AMOTL1: variants seen among roughly 807,000 people sequenced by gnomAD.
AMOTL1 encodes the protein angiomotin-like protein 1.
In AMOTL1, 45 loss-of-function variants were observed where a neutral mutation model predicts 102.9. The ratio of observed to expected loss-of-function variants is 0.44; its 90% CI spans 0.34 to 0.56. AMOTL1 has a LOEUF of 0.56. Among genes scored for constraint, AMOTL1 ranks in the 20% least tolerant of loss-of-function variants. AMOTL1 has a pLI of 0.01. For missense variants in AMOTL1, 1,114 were observed against 1,225.6 expected, an observed-to-expected ratio of 0.91 and a Z score of 1.36; for synonymous variants, 481 against 484.7, an observed-to-expected ratio of 0.99 and a Z score of 0.10.
At chr11:94,789,283 C>T (rs980980005) in intron 1 of AMOTL1, among the ~76,000 whole-genome samples, 16 of 152,118 alleles carry the variant, frequency 1.1e-4, no homozygotes, top group African/African-American at 3.1e-4. Context: ...CTCAGCCTCC[C>T]GAGTAGCTGA....
At position 94,795,019 on chromosome 11, in the gene AMOTL1, T is replaced by G; in HGVS notation, c.58T>G (p.Ser20Ala). 6.2e-7 allele frequency: 1 copy of G among 1,604,434 alleles called. No homozygotes were observed. Among genetic ancestry groups the G allele is most frequent in the Non-Finnish European group, 8.5e-7 (1 of 1,177,208 alleles). The change falls in exon 2 of 13, where the codon TCT becomes GCT. Residue 20 changes from serine (S) to alanine (A), a missense_variant. Physicochemically the swap from Ser to Ala is moderately conservative, Grantham distance 99 (BLOSUM62 1). Transcript: ENST00000433060. ...CGCTTTCTTTCCCCCAGGGTCCCCT[T>G]CTGCTTGTTATAGCCCCAGTAGTCC... ...TCEPAVKGSP[S>A]ACYSPSSPVQ... is the part of the protein sequence containing the mutation.
At chr11:94,832,089 G>A (rs1053261123) in intron 6 of AMOTL1, among the ~76,000 whole-genome samples, 2 of 152,176 alleles carry the variant, frequency 1.3e-5, no homozygotes, top group Non-Finnish European at 2.9e-5. Flanking sequence ...TTTATTGGGA[G>A]AATATTTTAT....
intron 1 of AMOTL1, among the ~76,000 whole-genome samples, chr11:94,712,523 G>A (rs1192264016): frequency 6.6e-6 from 1 of 151,952 alleles, no homozygotes; most frequent in Non-Finnish European, 1.5e-5. Flanking sequence ...TGCAACAAAA[G>A]AAACTAGCAA....
At chr11:94,824,103 C>T (rs1453874588) in intron 4 of AMOTL1, among the ~76,000 whole-genome samples, 1 of 152,168 alleles carries the variant, frequency 6.6e-6, no homozygotes, top group Non-Finnish European at 1.5e-5. Flanking sequence ...AGTATTCCTG[C>T]ACAGAGGATG....
At chr11:94,785,756 G>A (rs931365844) in intron 1 of AMOTL1, among the ~76,000 whole-genome samples, 3 of 152,172 alleles carry the variant, frequency 2.0e-5, no homozygotes, top group African/African-American at 7.2e-5. Flanking sequence ...GGAAGTATCT[G>A]AACTGCTCCT....
intron 2 of AMOTL1, among the ~76,000 whole-genome samples, chr11:94,729,319 T>C (rs1457071075): frequency 6.6e-6 from 1 of 152,136 alleles, no homozygotes; most frequent in African/African-American, 2.4e-5. Flanking sequence ...TGCAGTGTTA[T>C]GATGAGGACC....
intron 3 of AMOTL1, among the ~76,000 whole-genome samples, chr11:94,759,753 G>A (rs1448359487): frequency 1.3e-5 from 2 of 152,158 alleles, no homozygotes; most frequent in Non-Finnish European, 2.9e-5. Flanking sequence ...GATAATGAAT[G>A]AAATCATCTG....
chr11:94,770,796 A>G (rs1357064160), intron 1 of AMOTL1, among the ~76,000 whole-genome samples: 1 of 152,232 alleles, frequency 6.6e-6, no homozygotes, highest in Non-Finnish European at 1.5e-5. Flanking sequence ...AAACACATGA[A>G]TGCAGAAATG....
At chr11:94,805,103 A>G (rs956549864) in intron 3 of AMOTL1, among the ~76,000 whole-genome samples, 1 of 152,228 alleles carries the variant, frequency 6.6e-6, no homozygotes, top group African/African-American at 2.4e-5. Context: ...ACGAGTGTAA[A>G]CACTTGGCCA....
Position 94,866,046 on chromosome 11 carries a change from G to T in AMOTL1, c.2366G>T (p.Arg789Leu), listed in dbSNP as rs772651219. 1 of 1,613,796 alleles carries T rather than the reference G, an allele frequency of 6.2e-7. No individual in the cohort carries two copies. The highest frequency in any genetic ancestry group is 1.3e-5 in the African/African-American group (1 of 74,894). ...DAGKTDSSSL[R>L]PARSVPSIAA... ...GGGAAGACAGACTCCTCCAGCCTAC[G>T]TCCTGCCCGCTCCGTTCCATCCATA... Residue 789 changes from arginine to leucine, a missense_variant, in exon 11 of 13, where the codon CGT becomes CTT. Arg to Leu is a moderately radical substitution (Grantham distance 102). Coordinates refer to ENST00000433060, the MANE Select transcript of AMOTL1 (RefSeq NM_130847.3).
intron 4 of AMOTL1, among the ~76,000 whole-genome samples, chr11:94,828,645 A>C (rs1952014409): frequency 6.6e-6 from 1 of 152,136 alleles, no homozygotes; most frequent in Non-Finnish European, 1.5e-5. Context: ...TGCTGTCCTT[A>C]TTTCTGTATC....
intron 3 of AMOTL1, among the ~76,000 whole-genome samples, chr11:94,811,949 C>T (rs1035520339): frequency 1.3e-5 from 2 of 152,206 alleles, no homozygotes; most frequent in South Asian, 2.1e-4. Context: ...AAGGAGTTAC[C>T]TGCACTCCAT....
At chr11:94,787,607 G>C (rs1324721773) in intron 1 of AMOTL1, among the ~76,000 whole-genome samples, 3 of 143,182 alleles carry the variant, frequency 2.1e-5, no homozygotes, top group African/African-American at 7.8e-5. Context: ...AGAATGGCGT[G>C]AACCCGGGAG....
chr11:94,768,606 C>A, intron 1 of AMOTL1, 46 bp downstream of exon 1: 1 of 1,564,250 alleles, frequency 6.4e-7, no homozygotes, highest in Non-Finnish European at 8.7e-7. Flanking sequence ...CTCCGAGTCT[C>A]CCACGCGAAG....
At chr11:94,852,752 A>G (rs1209374677) in intron 7 of AMOTL1, among the ~76,000 whole-genome samples, 4 of 152,316 alleles carry the variant, frequency 2.6e-5, no homozygotes, top group African/African-American at 7.2e-5. Flanking sequence ...CAAGGCCCCA[A>G]CTACCTATCT....
chr11:94,708,134 A>G (rs1949960428), intron 1 of AMOTL1, among the ~76,000 whole-genome samples: 1 of 152,164 alleles, frequency 6.6e-6, no homozygotes, highest in Non-Finnish European at 1.5e-5. Context: ...TGCCTGAGTT[A>G]TTGCATTATC....
At chr11:94,793,037 G>A (rs144539280) in intron 1 of AMOTL1, among the ~76,000 whole-genome samples, 27 of 152,030 alleles carry the variant, frequency 1.8e-4, no homozygotes, top group Non-Finnish European at 3.4e-4. Flanking sequence ...CACACACACA[G>A]CCCTACACTC....
intron 3 of AMOTL1, among the ~76,000 whole-genome samples, chr11:94,808,103 GA>G (rs1291264706): frequency 0.014 from 1 of 70 alleles, no homozygotes; most frequent in Non-Finnish European, 0.022. Context: ...AACAAAACAA[GA>G]ACAAAACAAA....
intron 3 of AMOTL1, among the ~76,000 whole-genome samples, chr11:94,741,231 CGTGTGTGT>C (rs112559276): frequency 6.7e-6 from 1 of 149,330 alleles, no homozygotes; most frequent in African/African-American, 2.5e-5. Flanking sequence ...CGTGCGTGTG[CGTGTGTGT>C]GTGTGTGAGT....
Sources: gnomAD v4.1 joint callset for allele counts (sites outside exome capture counted in the v4.1 genomes callset) on GRCh38, gnomAD v4.1.1 for gene constraint, MANE v1.5 for transcripts, NCBI Gene and HGNC (gene_info 2026-07-23, HGNC 2026-07-21) for gene names.